Variants in ZNF793 observed in about 807,000 individuals in gnomAD.
ZNF793 encodes zinc finger protein 793.
A neutral mutation model predicts 12.4 loss-of-function variants in ZNF793; 5 were observed. The observed-to-expected ratio is 0.40, with a 90% confidence interval of 0.21 to 0.84. The LOEUF is 0.84. Among genes scored for constraint, ZNF793 ranks in the 40% least tolerant of loss-of-function variants. The pLI, the probability that ZNF793 is intolerant of heterozygous loss-of-function variation, is 0.35. For missense variants in ZNF793, 456 were observed against 495.0 expected, an observed-to-expected ratio of 0.92 and a Z score of 0.75; for synonymous variants, 162 against 172.4, an observed-to-expected ratio of 0.94 and a Z score of 0.47.
chr19:37,521,177 C>T (rs778662322), intron 3 of ZNF793, among the ~76,000 whole-genome samples: 29 of 151,944 alleles, frequency 1.9e-4, no homozygotes, highest in Admixed American at 9.2e-4. Flanking sequence ...TTAGTAGACA[C>T]GGGGTTTCAC....
At chr19:37,512,250 C>A (rs563366823) in intron 2 of ZNF793, among the ~76,000 whole-genome samples, 1 of 152,248 alleles carries the variant, frequency 6.6e-6, no homozygotes, top group African/African-American at 2.4e-5. Context: ...GGTGTGGTGG[C>A]TCATGCCTGT....
In ZNF793 at chr19:37,540,539, A is replaced by G. The variant is rs558391861; in HGVS notation, c.*2660A>G. 49 of 92,474 alleles carry G rather than the reference A, an allele frequency of 5.3e-4. 1 individual carries two copies. The highest frequency in any genetic ancestry group is 1.4e-3 in the African/African-American group (45 of 33,228). 5.7% of individuals were successfully genotyped at this position (92,474 alleles called of 1,614,324 possible). A position where few individuals can be genotyped will look rare whatever the true frequency, so the allele number is the denominator to read the frequency against. On this transcript the variant is annotated 3_prime_UTR_variant, in exon 8 of 8. Coordinates refer to ENST00000627814, the MANE Select transcript of ZNF793 (RefSeq NM_001013659.3). Reference sequence around the variant, plus strand: ...ATTTACATTGTAATAGATGGGAACCACTTAAAGCGGTTTTTCTTAAAAAAA... The same window carrying G: ...ATTTACATTGTAATAGATGGGAACCGCTTAAAGCGGTTTTTCTTAAAAAAA...
chr19:37,526,203 C>A (rs1182472804), intron 5 of ZNF793, among the ~76,000 whole-genome samples: 1 of 152,168 alleles, frequency 6.6e-6, no homozygotes, highest in East Asian at 1.9e-4. Context: ...GCCTTGAACT[C>A]CTGGGCTCAA....
At position 37,541,792 on chromosome 19, in the gene ZNF793, T is replaced by C. The variant is rs2042553768; in HGVS notation, c.*3913T>C. On this transcript the variant is annotated 3_prime_UTR_variant, in exon 8 of 8. Transcript: ENST00000627814. ...ATCAGCAAACTCAAGAGATAATAGATTGTGGGGAAATATTTGTAAAGCTGA... is the reference window on the plus strand; with the variant it reads ...ATCAGCAAACTCAAGAGATAATAGACTGTGGGGAAATATTTGTAAAGCTGA... The C allele has an allele frequency of 1.3e-5, 2 of 151,984 alleles. No individual in the cohort carries two copies. Among genetic ancestry groups the C allele is most frequent in the Non-Finnish European group, 2.9e-5 (2 of 67,992 alleles). The allele number at this position is 151,984 out of a possible 1,614,324, so 9.4% of individuals were successfully genotyped here.
At chr19:37,507,480 G>C (rs2042259331) in intron 1 of ZNF793, among the ~76,000 whole-genome samples, 1 of 152,130 alleles carries the variant, frequency 6.6e-6, no homozygotes, top group Non-Finnish European at 1.5e-5. Context: ...AAACTTTGGG[G>C]TTCAAATGAG....
At chr19:37,515,329 A>G (rs1296586174) in intron 2 of ZNF793, among the ~76,000 whole-genome samples, 2 of 149,998 alleles carry the variant, frequency 1.3e-5, no homozygotes, top group South Asian at 4.2e-4. Flanking sequence ...TTTTTTTGAG[A>G]TGGAGTCTCA....
chr19:37,529,626 G>T (rs1323295856), intron 5 of ZNF793, among the ~76,000 whole-genome samples: 2 of 152,112 alleles, frequency 1.3e-5, no homozygotes, highest in Admixed American at 1.3e-4. Flanking sequence ...CTGCGTAGCT[G>T]GGATTACAGG....
At chr19:37,532,623 C>T (rs886086181) in intron 6 of ZNF793, 141 bp downstream of exon 6, 1 of 874,754 alleles carries the variant, frequency 1.1e-6, no homozygotes. Context: ...CCTGCCTGGC[C>T]AGCATGGTGA....
At position 37,541,371 on chromosome 19, in the gene ZNF793, A is replaced by T. The variant is rs1297511964; in HGVS notation, c.*3492A>T. 1 of 152,268 alleles carries T rather than the reference A, an allele frequency of 6.6e-6. No individual in the cohort carries two copies. The highest frequency in any genetic ancestry group is 1.5e-5 in the Non-Finnish European group (1 of 68,064). The allele number at this position is 152,268 out of a possible 1,614,324, so 9.4% of individuals were successfully genotyped here. A position where few individuals can be genotyped will look rare whatever the true frequency, so the allele number is the denominator to read the frequency against. On this transcript the variant is annotated 3_prime_UTR_variant, in exon 8 of 8. Transcript: ENST00000627814. ...AACTTTACCAACACAGGACACTCAG[A>T]AGCTATTTAGAAATAAGCAGTTGAA...
At position 37,525,712 on chromosome 19, in the gene ZNF793, T is replaced by C. The variant is rs533089679; in HGVS notation, c.15+2258T>C. On this transcript the variant is annotated intron_variant, in intron 5 of 7. Coordinates refer to ENST00000627814, the MANE Select transcript of ZNF793 (RefSeq NM_001013659.3). ...CTGGGATTACAGGCGTGAGCCACCG[T>C]GCCTGGCCAATAGGAATGATTTCTG... Among the ~76,000 whole-genome samples, 13 of 152,138 alleles carry C rather than the reference T, an allele frequency of 8.5e-5. No homozygotes were observed. In the South Asian group the frequency reaches 2.7e-3, roughly 32 times the overall value.
chr19:37,515,339 A>C (rs2042322890), intron 2 of ZNF793, among the ~76,000 whole-genome samples: 2 of 149,184 alleles, frequency 1.3e-5, no homozygotes, highest in Admixed American at 6.7e-5. Flanking sequence ...ATGGAGTCTC[A>C]CTCTGTCGCC....
chr19:37,528,850 C>T (rs1345120972), intron 5 of ZNF793, among the ~76,000 whole-genome samples: 1 of 152,180 alleles, frequency 6.6e-6, no homozygotes, highest in East Asian at 1.9e-4. Flanking sequence ...CCTTGGAGCT[C>T]TGGCCTGGGC....
At chr19:37,524,420 T>A (rs2042398408) in intron 5 of ZNF793, among the ~76,000 whole-genome samples, 1 of 152,064 alleles carries the variant, frequency 6.6e-6, no homozygotes, top group Admixed American at 6.6e-5. Context: ...TTTGGGTAAT[T>A]TTCAGACTTG....
rs1257718249 is a variant in ZNF793, at chr19:37,515,455, C to T, written c.-275-4729C>T. 4.6e-5 allele frequency among the ~76,000 whole-genome samples: 7 copies of T among 151,954 alleles called. 1 individual carries two copies. Among genetic ancestry groups the T allele is most frequent in the Admixed American group, 2.6e-4 (4 of 15,226 alleles). On this transcript the variant is annotated intron_variant, in intron 2 of 7. Coordinates refer to ENST00000627814, the MANE Select transcript of ZNF793 (RefSeq NM_001013659.3). ...CCCAAGTAGCTAGGACCACAGGTGC[C>T]CGCCACCCCACCCGGCCAATTTTTT...
At chr19:37,518,630 C>CAAA (rs61641247) in intron 2 of ZNF793, among the ~76,000 whole-genome samples, 3 of 84,450 alleles carry the variant, frequency 3.6e-5, no homozygotes, top group Non-Finnish European at 5.9e-5. Flanking sequence ...CCTGTCTCTA[C>CAAA]AAAAAAAAAA....
In ZNF793 at chr19:37,542,449, G is replaced by C. The variant is rs1187837239; in HGVS notation, c.*4570G>C. 2 of 413,784 alleles carry C rather than the reference G, an allele frequency of 4.8e-6. No homozygotes were observed. The highest frequency in any genetic ancestry group is 1.4e-4 in the East Asian group (2 of 13,976). The allele number at this position is 413,784 out of a possible 1,614,324, so 25.6% of individuals were successfully genotyped here. A position where few individuals can be genotyped will look rare whatever the true frequency, so the allele number is the denominator to read the frequency against. ...TTATTAAAATATTTATGTCACTTTGGAGAATCTTCCCTTAGAAGTAAAAGC... is the reference window on the plus strand; with the variant it reads ...TTATTAAAATATTTATGTCACTTTGCAGAATCTTCCCTTAGAAGTAAAAGC... On this transcript the variant is annotated 3_prime_UTR_variant, in exon 8 of 8. Coordinates refer to ENST00000627814, the MANE Select transcript of ZNF793 (RefSeq NM_001013659.3).
chr19:37,532,000 C>T (rs1435015204), intron 5 of ZNF793, among the ~76,000 whole-genome samples: 1 of 150,964 alleles, frequency 6.6e-6, no homozygotes, highest in Non-Finnish European at 1.5e-5. Context: ...AAATCAGCAC[C>T]ATCTCTTGCA....
rs533015170 is a variant in ZNF793 at position 37,533,423 on chromosome 19, C to CA, written c.238+24dup. 140 of 1,606,560 alleles carry CA rather than the reference C, an allele frequency of 8.7e-5. No individual in the cohort carries two copies. In the African/African-American group the frequency reaches 1.6e-3, roughly 19 times the overall value. ...GTTGGGGTAAGTGTGATAAATCTAG[C>CA]AAAAGGGGTACTGAAGGAGGCTGGC... On this transcript the variant is annotated intron_variant, in intron 7 of 7. Coordinates refer to ENST00000627814, the MANE Select transcript of ZNF793 (RefSeq NM_001013659.3).
chr19:37,513,191 A>G (rs936595539), intron 2 of ZNF793, among the ~76,000 whole-genome samples: 7 of 152,178 alleles, frequency 4.6e-5, no homozygotes, highest in Admixed American at 2.6e-4. Flanking sequence ...ATAAAGTTAT[A>G]TTATTACTAA....
Sources: gnomAD v4.1 joint callset for allele counts (sites outside exome capture counted in the v4.1 genomes callset) on GRCh38, gnomAD v4.1.1 for gene constraint, MANE v1.5 for transcripts, NCBI Gene and HGNC (gene_info 2026-07-23, HGNC 2026-07-21) for gene names.